The following SPAG16 variants were observed in gnomAD, a reference collection of about 807,000 sequenced individuals.
SPAG16 encodes the protein sperm associated antigen 16, also known as sperm-associated antigen 16 protein.
SPAG16 carries 86 observed loss-of-function variants against 80.4 expected under a neutral mutation model. The ratio of observed to expected loss-of-function variants is 1.07; its 90% CI spans 0.90 to 1.28. SPAG16 has a LOEUF of 1.28. Ranked by LOEUF, SPAG16 falls within the 50% of genes most tolerant of loss-of-function variation. SPAG16 has a pLI of 0.00. For missense variants in SPAG16, 870 were observed against 765.3 expected, an observed-to-expected ratio of 1.14 and a Z score of -1.61; for synonymous variants, 294 against 265.9, an observed-to-expected ratio of 1.11 and a Z score of -1.03.
At chr2:213,554,952 T>C (rs758836148) in intron 10 of SPAG16, among the ~76,000 whole-genome samples, 4 of 151,752 alleles carry the variant, frequency 2.6e-5, no homozygotes, top group Non-Finnish European at 5.9e-5. Context: ...CACAAAACTT[T>C]CCAAACCCGA....
chr2:213,537,195 G>A (rs1232949771), intron 10 of SPAG16, among the ~76,000 whole-genome samples: 1 of 150,342 alleles, frequency 6.7e-6, no homozygotes, highest in African/African-American at 2.4e-5. Context: ...ATAGCTTTAG[G>A]AGATATACCT....
intron 5 of SPAG16, among the ~76,000 whole-genome samples, chr2:213,321,198 A>T (rs894152179): frequency 6.6e-6 from 1 of 152,110 alleles, no homozygotes; most frequent in Admixed American, 6.6e-5. Flanking sequence ...ATTCTTGATT[A>T]TACTAATAGC....
chr2:213,620,759 T>C (rs1400604360), intron 10 of SPAG16, among the ~76,000 whole-genome samples: 1 of 152,204 alleles, frequency 6.6e-6, no homozygotes, highest in African/African-American at 2.4e-5. Flanking sequence ...ATACAATGAT[T>C]CTATATAAAG....
intron 10 of SPAG16, among the ~76,000 whole-genome samples, chr2:213,507,338 T>C (rs1247224233): frequency 6.6e-6 from 1 of 152,238 alleles, no homozygotes; most frequent in African/African-American, 2.4e-5. Context: ...TAGTATTGCA[T>C]AGTACAAATA....
rs538660504 is a variant in SPAG16 at position 214,102,968 on chromosome 2, A to G, written c.1528-5228A>G. Among the ~76,000 whole-genome samples the G allele has an allele frequency of 5.3e-5, 8 of 152,224 alleles. No individual in the cohort carries two copies. In the South Asian group the frequency reaches 1.7e-3, roughly 32 times the overall value. On this transcript the variant is annotated intron_variant, in intron 13 of 15. Transcript: ENST00000331683. Reference sequence around the variant, plus strand: ...GACTTCATGGGCTTGCCTCTTTCCCATGATTCTTCGCGTAGGGTGGGCTTC... The same window carrying G: ...GACTTCATGGGCTTGCCTCTTTCCCGTGATTCTTCGCGTAGGGTGGGCTTC...
At chr2:213,362,497 T>G (rs6761153) in intron 7 of SPAG16, among the ~76,000 whole-genome samples, 148,482 of 152,262 alleles carry the variant, frequency 0.98, 72,505 homozygotes, top group East Asian at 1. Flanking sequence ...GGGAAACCTG[T>G]CAACCTTCTC....
At chr2:213,662,660 A>AT (rs763091050) in intron 10 of SPAG16, among the ~76,000 whole-genome samples, 2 of 151,926 alleles carry the variant, frequency 1.3e-5, no homozygotes, top group Non-Finnish European at 2.9e-5. Flanking sequence ...TCAATAACTG[A>AT]TTTTTTTTCA....
intron 12 of SPAG16, among the ~76,000 whole-genome samples, chr2:213,963,268 T>C (rs1302898458): frequency 6.6e-6 from 1 of 152,154 alleles, no homozygotes; most frequent in Non-Finnish European, 1.5e-5. Context: ...TATGTGCTAA[T>C]ATTCCTGTGA....
chr2:213,812,900 GT>G (rs2072264349), intron 10 of SPAG16, among the ~76,000 whole-genome samples: 1 of 151,884 alleles, frequency 6.6e-6, no homozygotes, highest in Non-Finnish European at 1.5e-5. Flanking sequence ...CTGAAAGAAG[GT>G]TATGAGGTTT....
intron 10 of SPAG16, among the ~76,000 whole-genome samples, chr2:213,583,074 G>C (rs1255759157): frequency 6.6e-6 from 1 of 151,822 alleles, no homozygotes; most frequent in Admixed American, 6.6e-5. Flanking sequence ...TTTCTATTTT[G>C]CTTCAGGTAT....
At chr2:214,040,273 A>G (rs557326611) in intron 13 of SPAG16, among the ~76,000 whole-genome samples, 174 of 152,238 alleles carry the variant, frequency 1.1e-3, no homozygotes, top group Middle Eastern at 3.4e-3. Context: ...ATTTGGGGGA[A>G]GGACTGATAT....
At chr2:213,839,529 T>C (rs2074265412) in intron 10 of SPAG16, among the ~76,000 whole-genome samples, 1 of 152,230 alleles carries the variant, frequency 6.6e-6, no homozygotes, top group African/African-American at 2.4e-5. Flanking sequence ...CCTTATTATA[T>C]AGGCTAATCA....
intron 9 of SPAG16, among the ~76,000 whole-genome samples, chr2:213,423,310 T>C (rs1321172878): frequency 6.6e-6 from 1 of 152,232 alleles, no homozygotes; most frequent in African/African-American, 2.4e-5. Context: ...TGCTTCACTT[T>C]CTTTGTGTGT....
In SPAG16 at chr2:214,116,004, G is replaced by A. The variant is rs73076863; in HGVS notation, c.1593+7743G>A. ...TAGGAGGCTGCAGAGCCCCAGTGGA[G>A]CCCAAGACTTAGGAGGATTATTTTG... is the stretch of plus-strand genomic sequence containing the variant. On this transcript the variant is annotated intron_variant, in intron 14 of 15. Transcript: ENST00000331683. 5.6e-3 allele frequency among the ~76,000 whole-genome samples: 850 copies of A among 152,206 alleles called. 8 individuals are homozygous for A. The highest frequency in any genetic ancestry group is 0.02 in the African/African-American group (828 of 41,522).
rs532876499 is a variant in SPAG16 at position 214,347,260 on chromosome 2, CAG to C, written c.1721-62877_1721-62876del. On this transcript the variant is annotated intron_variant, in intron 15 of 15. Transcript: ENST00000331683. ...TGGTCTAGCTAAGGAGACATCTGAGCAGAGTGTTGAAGATGCTGCCTGGCTTC... is the reference window on the plus strand; with the variant it reads ...TGGTCTAGCTAAGGAGACATCTGAGCAGTGTTGAAGATGCTGCCTGGCTTC... Among the ~76,000 whole-genome samples the C allele has an allele frequency of 2.1e-3, 325 of 152,022 alleles. 2 individuals are homozygous for C. The highest frequency in any genetic ancestry group is 7.4e-3 in the African/African-American group (307 of 41,498).
chr2:214,086,283 C>A (rs2051743865), intron 13 of SPAG16, among the ~76,000 whole-genome samples: 2 of 152,186 alleles, frequency 1.3e-5, no homozygotes, highest in African/African-American at 4.8e-5. Context: ...TTCTTCGAAA[C>A]TTCATAGTTC....
chr2:213,542,685 T>C (rs1369052494), intron 10 of SPAG16, among the ~76,000 whole-genome samples: 1 of 152,226 alleles, frequency 6.6e-6, no homozygotes, highest in East Asian at 1.9e-4. Flanking sequence ...ACTGAGATTA[T>C]GCAAATAGAA....
At chr2:214,043,624 C>A (rs1332498213) in intron 13 of SPAG16, among the ~76,000 whole-genome samples, 3 of 152,080 alleles carry the variant, frequency 2.0e-5, no homozygotes, top group Non-Finnish European at 4.4e-5. Flanking sequence ...GATGTTAGAA[C>A]AATTCATTTA....
chr2:213,725,437 G>T (rs2066724698), intron 10 of SPAG16, among the ~76,000 whole-genome samples: 1 of 152,150 alleles, frequency 6.6e-6, no homozygotes, highest in African/African-American at 2.4e-5. Flanking sequence ...ATCATGGAAT[G>T]CCCATCCATC....
Sources: gnomAD v4.1 joint callset for allele counts (sites outside exome capture counted in the v4.1 genomes callset) on GRCh38, gnomAD v4.1.1 for gene constraint, MANE v1.5 for transcripts, NCBI Gene and HGNC (gene_info 2026-07-23, HGNC 2026-07-21) for gene names.